The following CDH20 variants were observed in gnomAD, a reference collection of about 807,000 sequenced individuals.
The protein encoded by CDH20 is cadherin-20.
Under a neutral mutation model 74.2 loss-of-function variants are expected in CDH20, and 29 were observed. The ratio of observed to expected loss-of-function variants is 0.39; its 90% CI spans 0.29 to 0.53. CDH20 has a LOEUF of 0.53. CDH20 is among the 20% of genes least tolerant of loss of function. CDH20 has a pLI of 0.69. For synonymous variants in CDH20, 469 were observed against 405.4 expected, an observed-to-expected ratio of 1.16 and a Z score of -1.88; for missense variants, 988 against 1,048.3, an observed-to-expected ratio of 0.94 and a Z score of 0.79.
In CDH20 at chr18:61,550,197, T is replaced by C. The variant is rs765117751; in HGVS notation, c.1868T>C (p.Ile623Thr). 23 of 1,613,834 alleles carry C rather than the reference T, an allele frequency of 1.4e-5. No homozygotes were observed. The highest frequency in any genetic ancestry group is 4.5e-5 in the East Asian group (2 of 44,896). The change falls in exon 11 of 12, where the codon ATT becomes ACT. Residue 623 changes from isoleucine (I) to threonine (T), a missense_variant. Physicochemically the swap from Ile to Thr is moderately conservative, Grantham distance 89. This residue lies in a region of CDH20 where 375 missense variants were observed against 293.1 expected (regional missense o/e 1.28). Transcript: ENST00000262717. ...GTCAGTTTGAGCCGGGGCGCCCTCA[T>C]TGCCATCCTCGCCTGCATCTTTGTC... ...LPVSLSRGALIAILACIFVLL... is the reference protein window; with the variant it reads ...LPVSLSRGALTAILACIFVLL...
intron 1 of CDH20, among the ~76,000 whole-genome samples, chr18:61,410,244 G>A (rs1164353627): frequency 6.6e-6 from 1 of 152,028 alleles, no homozygotes; most frequent in Non-Finnish European, 1.5e-5. Flanking sequence ...AAACTGAATA[G>A]AAAATATTAA....
chr18:61,500,551 A>G (rs1409156137), intron 4 of CDH20, 49 bp downstream of exon 4: 1 of 1,574,106 alleles, frequency 6.4e-7, no homozygotes, highest in Non-Finnish European at 8.7e-7. Flanking sequence ...CTGATAATTT[A>G]TAACTGCTGC....
At chr18:61,340,675 T>C (rs940812069) in intron 1 of CDH20, among the ~76,000 whole-genome samples, 4 of 152,352 alleles carry the variant, frequency 2.6e-5, no homozygotes, top group Middle Eastern at 6.8e-3. Context: ...CCCTTTATCA[T>C]ATTCACGATT....
At chr18:61,463,748 A>G (rs1909863035) in intron 1 of CDH20, among the ~76,000 whole-genome samples, 1 of 151,726 alleles carries the variant, frequency 6.6e-6, no homozygotes. Context: ...GGTTCGGTCA[A>G]CTCCCAACTC....
rs968853168 is a variant in CDH20, at chr18:61,353,138, G to A, written c.-153+19311G>A. ...ATGATGTGTGCCCCAACAAAGGCGC[G>A]GGTCTGATACATCAGTTTCTAACTT... On this transcript the variant is annotated intron_variant, in intron 1 of 11. Coordinates refer to ENST00000262717, the MANE Select transcript of CDH20 (RefSeq NM_031891.4). This position sits in a 1 kb window ranked among gnomAD's most constrained non-coding sequence, Gnocchi z 4.6. Among the ~76,000 whole-genome samples, 6 of 152,242 alleles carry A rather than the reference G, an allele frequency of 3.9e-5. No homozygotes were observed. Among genetic ancestry groups the A allele is most frequent in the Admixed American group, 2.6e-4 (4 of 15,290 alleles).
At chr18:61,507,677 T>C in intron 6 of CDH20, 117 bp downstream of exon 6, 1 of 626,264 alleles carries the variant, frequency 1.6e-6, no homozygotes, top group Non-Finnish European at 2.5e-6. Context: ...ATAAAAGTGC[T>C]TTCCTATTAT....
intron 1 of CDH20, among the ~76,000 whole-genome samples, chr18:61,435,212 A>G (rs900728328): frequency 1.3e-5 from 2 of 152,096 alleles, no homozygotes; most frequent in South Asian, 2.1e-4. Context: ...ATCATTTACT[A>G]TCTCCGTGAT....
At chr18:61,469,103 G>A (rs1910068037) in intron 1 of CDH20, among the ~76,000 whole-genome samples, 1 of 152,140 alleles carries the variant, frequency 6.6e-6, no homozygotes, top group Non-Finnish European at 1.5e-5. Context: ...CAATAGCACT[G>A]TGATTCTGGA....
At position 61,524,747 on chromosome 18, in the gene CDH20, C is replaced by T. The variant is rs570372354; in HGVS notation, c.1018-3220C>T. On this transcript the variant is annotated intron_variant, in intron 6 of 11. Coordinates refer to ENST00000262717, the MANE Select transcript of CDH20 (RefSeq NM_031891.4). ...ACCAGCCTGGCCCACATGGTGAAACCCCGCCTCTACTGAAAATACAAAAAT... is the reference window on the plus strand; with the variant it reads ...ACCAGCCTGGCCCACATGGTGAAACTCCGCCTCTACTGAAAATACAAAAAT... Among the ~76,000 whole-genome samples, 3 of 152,226 alleles carry T rather than the reference C, an allele frequency of 2.0e-5. No homozygotes were observed. In the South Asian group the frequency reaches 6.2e-4, roughly 32 times the overall value.
intron 4 of CDH20, 130 bp downstream of exon 4, chr18:61,500,632 C>T: frequency 2.1e-6 from 2 of 958,554 alleles, no homozygotes; most frequent in Non-Finnish European, 3.0e-6. Flanking sequence ...CTGCTCTTAG[C>T]TTTAGGATTA....
At chr18:61,502,241 G>A (rs1271260209) in intron 4 of CDH20, among the ~76,000 whole-genome samples, 1 of 152,132 alleles carries the variant, frequency 6.6e-6, no homozygotes, top group Non-Finnish European at 1.5e-5. Context: ...AACGGATTTG[G>A]TGTAGGCCTC....
chr18:61,541,215 T>G (rs574294623), intron 9 of CDH20, among the ~76,000 whole-genome samples: 1 of 152,198 alleles, frequency 6.6e-6, no homozygotes, highest in South Asian at 2.1e-4. Context: ...GTATAATTAC[T>G]GTGCTAAGGT....
At chr18:61,423,115 G>A (rs1358790886) in intron 1 of CDH20, among the ~76,000 whole-genome samples, 1 of 152,216 alleles carries the variant, frequency 6.6e-6, no homozygotes, top group Non-Finnish European at 1.5e-5. Context: ...AATGCGAGAA[G>A]AAGAAACAGG....
chr18:61,429,082 AG>A (rs1289476317), intron 1 of CDH20, among the ~76,000 whole-genome samples: 40 of 152,220 alleles, frequency 2.6e-4, no homozygotes, highest in African/African-American at 8.2e-4. Flanking sequence ...CTAGGTGGTG[AG>A]GGGGGTTTTA....
At chr18:61,362,609 A>T (rs1474365769) in intron 1 of CDH20, among the ~76,000 whole-genome samples, 4 of 152,180 alleles carry the variant, frequency 2.6e-5, no homozygotes, top group Admixed American at 2.6e-4. Context: ...TGAAAGTATG[A>T]GGAAGAGGAG....
At chr18:61,385,925 GTC>G (rs1456136387) in intron 1 of CDH20, among the ~76,000 whole-genome samples, 59 of 137,204 alleles carry the variant, frequency 4.3e-4, no homozygotes, top group African/African-American at 1.5e-3. Context: ...GTGAGACTTT[GTC>G]TCAAAAAAAA....
At chr18:61,398,971 C>T (rs1294777399) in intron 1 of CDH20, among the ~76,000 whole-genome samples, 1 of 152,116 alleles carries the variant, frequency 6.6e-6, no homozygotes, top group African/African-American at 2.4e-5. Context: ...ATTACTATTT[C>T]CCTGGCCCAA....
At chr18:61,391,248 A>G (rs1291169661) in intron 1 of CDH20, among the ~76,000 whole-genome samples, 4 of 152,224 alleles carry the variant, frequency 2.6e-5, no homozygotes, top group Admixed American at 6.5e-5. Context: ...AATCAGAAGA[A>G]TGCAAGTTAA....
intron 1 of CDH20, among the ~76,000 whole-genome samples, chr18:61,457,114 GT>G (rs1909597978): frequency 6.6e-6 from 1 of 151,932 alleles, no homozygotes; most frequent in Admixed American, 6.6e-5. Context: ...TGAAACCTCT[GT>G]TTTTTCTTCC....
Sources: gnomAD v4.1 joint callset for allele counts (sites outside exome capture counted in the v4.1 genomes callset) on GRCh38, gnomAD v4.1.1 for gene constraint, gnomAD v4.1.1 regional missense constraint, Gnocchi (gnomAD v3.1) non-coding constraint, MANE v1.5 for transcripts, NCBI Gene and HGNC (gene_info 2026-07-23, HGNC 2026-07-21) for gene names.